Variants in EPN2 observed in about 807,000 individuals in gnomAD.
EPN2 encodes the protein epsin 2, also known as epsin-2.
A neutral mutation model predicts 61.7 loss-of-function variants in EPN2; 34 were observed. That is an observed-to-expected ratio of 0.55 (90% CI 0.42 to 0.73). The LOEUF is 0.73. EPN2 is among the 30% of genes least tolerant of loss of function. The probability of loss-of-function intolerance (pLI) is 0.00; values close to 1 mark genes in which losing one functional copy is unlikely to be tolerated. For missense variants in EPN2, 714 were observed against 839.2 expected (o/e 0.85, Z 1.84); for synonymous variants, 349 against 353.6 (o/e 0.99, Z 0.15).
chr17:19,257,117 G>A (rs1260471402), intron 1 of EPN2, among the ~76,000 whole-genome samples: 1 of 152,182 alleles, frequency 6.6e-6, no homozygotes, highest in Non-Finnish European at 1.5e-5. Context: ...GAAGAAAAAT[G>A]TTTCTTTAAG....
At chr17:19,294,655 A>C (rs1295915159) in intron 4 of EPN2, among the ~76,000 whole-genome samples, 1 of 152,224 alleles carries the variant, frequency 6.6e-6, no homozygotes, top group East Asian at 1.9e-4. Context: ...GATACAAGGC[A>C]GTTCCTCATT....
chr17:19,267,765 A>T (rs887093330), intron 1 of EPN2, among the ~76,000 whole-genome samples: 1 of 151,728 alleles, frequency 6.6e-6, no homozygotes, highest in East Asian at 1.9e-4. Context: ...CTGGTCTCGA[A>T]CTCCTGACCT....
At chr17:19,282,383 A>G (rs1049837842) in intron 2 of EPN2, 3 of 152,254 alleles carry the variant, frequency 2.0e-5, no homozygotes, top group Admixed American at 6.5e-5. Flanking sequence ...GGACCAAAGC[A>G]GTTTTGAAGG....
At chr17:19,327,123 G>C (rs971079611) in intron 7 of EPN2, among the ~76,000 whole-genome samples, 4 of 152,162 alleles carry the variant, frequency 2.6e-5, no homozygotes, top group Non-Finnish European at 5.9e-5. Context: ...GCCACCATGT[G>C]GAAATAGTTG....
chr17:19,315,473 A>C (rs1161658909), intron 7 of EPN2, among the ~76,000 whole-genome samples: 1 of 152,120 alleles, frequency 6.6e-6, no homozygotes, highest in East Asian at 1.9e-4. Flanking sequence ...ACTTGAGATA[A>C]AATTCACCAT....
At chr17:19,295,366 A>ACACGCGCGCGCGCGCGCG (rs147719775) in intron 4 of EPN2, among the ~76,000 whole-genome samples, 2 of 140,316 alleles carry the variant, frequency 1.4e-5, no homozygotes, top group Non-Finnish European at 3.1e-5. Context: ...ACACACACAC[A>ACACGCGCGCGCGCGCGCG]CGCGCGTGCG....
chr17:19,313,177 CAGAA>C lies in EPN2; in HGVS notation c.1048_1051del (p.Lys350GlnfsTer100). 6.2e-7 allele frequency: 1 copy of C among 1,613,582 alleles called. No individual in the cohort carries two copies. Among genetic ancestry groups the C allele is most frequent in the Non-Finnish European group, 8.5e-7 (1 of 1,179,748 alleles). On this transcript the variant is annotated frameshift_variant, in exon 7 of 11. Transcript: ENST00000314728. LOFTEE classifies it high-confidence loss of function. ...TCTCCCCAGCTCGGGCCCCGCGGCC[CAGAA>C]AGCAGAGCCCTGGGGCCCGTCAGCC...
At chr17:19,296,659 A>T (rs953003344) in intron 4 of EPN2, 1 of 152,134 alleles carries the variant, frequency 6.6e-6, no homozygotes, top group African/African-American at 2.4e-5. Context: ...CCCAGGCTGG[A>T]GCATTGTGGC....
intron 4 of EPN2, among the ~76,000 whole-genome samples, chr17:19,290,115 G>C (rs1197565872): frequency 6.6e-6 from 1 of 152,150 alleles, no homozygotes; most frequent in African/African-American, 2.4e-5. Flanking sequence ...CGTGTTGGCT[G>C]CCCTCACATG....
intron 4 of EPN2, among the ~76,000 whole-genome samples, chr17:19,309,586 G>A (rs557322724): frequency 2.0e-4 from 30 of 152,296 alleles, no homozygotes; most frequent in African/African-American, 6.0e-4. Context: ...CAGATCTGCC[G>A]TGAAGACTGA....
At chr17:19,252,795 T>G (rs566763605) in intron 1 of EPN2, among the ~76,000 whole-genome samples, 7 of 152,292 alleles carry the variant, frequency 4.6e-5, no homozygotes, top group African/African-American at 1.7e-4. Context: ...GCTCAAGCCA[T>G]CCTCCCACCT....
In EPN2 at chr17:19,329,166, G is replaced by A. The variant is rs539954195; in HGVS notation, c.1324+279G>A. 1.3e-4 allele frequency: 61 copies of A among 464,784 alleles called. No individual in the cohort carries two copies. The South Asian group carries it at 2.1e-3, about 16-fold the overall frequency. The allele number at this position is 464,784 out of a possible 1,614,324, so 28.8% of individuals were successfully genotyped here. ...ACTGCCCTGGGCCCACAGCCTGTGG[G>A]TCCTGTCCTCACCCCTGGGGGGCTG... On this transcript the variant is annotated intron_variant, in intron 8 of 10. Coordinates refer to ENST00000314728, the MANE Select transcript of EPN2 (RefSeq NM_014964.5).
In EPN2 at chr17:19,283,076, T is replaced by G; in HGVS notation, c.-44T>G. The G allele has an allele frequency of 6.9e-7, 1 of 1,456,882 alleles. No individual in the cohort carries two copies. The highest frequency in any genetic ancestry group is 2.3e-5 in the East Asian group (1 of 43,916). 90.2% of individuals were successfully genotyped at this position (1,456,882 alleles called of 1,614,324 possible). A position where few individuals can be genotyped will look rare whatever the true frequency, so the allele number is the denominator to read the frequency against. On this transcript the variant is annotated 5_prime_UTR_variant, in exon 3 of 11. Transcript: ENST00000314728. The surrounding 1 kb of genome is among the most constrained non-coding windows in gnomAD (Gnocchi z 7.0). ...GCGCACTTACCAAGGACAGGAAGGT[T>G]TCTCTGTTTGAAGGGCTTTAAACTT...
At chr17:19,243,878 T>C (rs1300362547) in intron 1 of EPN2, among the ~76,000 whole-genome samples, 1 of 152,180 alleles carries the variant, frequency 6.6e-6, no homozygotes, top group Non-Finnish European at 1.5e-5. Flanking sequence ...GTGCTGCTGA[T>C]GCTGCCAGTC....
intron 4 of EPN2, among the ~76,000 whole-genome samples, chr17:19,299,820 C>T (rs1327377787): frequency 6.6e-6 from 1 of 152,194 alleles, no homozygotes; most frequent in African/African-American, 2.4e-5. Context: ...TCCCTTTTTT[C>T]ACCTGGTATT....
chr17:19,301,766 G>A (rs1462580315), intron 4 of EPN2, among the ~76,000 whole-genome samples: 2 of 152,200 alleles, frequency 1.3e-5, no homozygotes, highest in Non-Finnish European at 2.9e-5. Context: ...GCATAGCTGA[G>A]CAAGCTCTCC....
intron 7 of EPN2, among the ~76,000 whole-genome samples, chr17:19,326,531 C>G (rs1906876472): frequency 6.6e-6 from 1 of 151,764 alleles, no homozygotes; most frequent in Non-Finnish European, 1.5e-5. Flanking sequence ...CTAAAAAATA[C>G]AAAAAATAAG....
At chr17:19,314,652 C>G (rs886467374) in intron 7 of EPN2, among the ~76,000 whole-genome samples, 1 of 152,298 alleles carries the variant, frequency 6.6e-6, no homozygotes, top group African/African-American at 2.4e-5. Context: ...GGCCTTATAC[C>G]CCCTTTGGCA....
At chr17:19,326,785 T>C (rs1403598770) in intron 7 of EPN2, among the ~76,000 whole-genome samples, 1 of 151,178 alleles carries the variant, frequency 6.6e-6, no homozygotes, top group East Asian at 1.9e-4. Flanking sequence ...GAGGAGGCCC[T>C]GCATACCATG....
Sources: gnomAD v4.1 joint callset for allele counts (sites outside exome capture counted in the v4.1 genomes callset) on GRCh38, gnomAD v4.1.1 for gene constraint, Gnocchi (gnomAD v3.1) non-coding constraint, MANE v1.5 for transcripts, NCBI Gene and HGNC (gene_info 2026-07-23, HGNC 2026-07-21) for gene names.